Variants in CSTPP1 observed in about 807,000 individuals in gnomAD.
CSTPP1 encodes centriolar satellite-associated tubulin polyglutamylase complex regulator 1.
the CSTPP1 span, among the ~76,000 whole-genome samples, chr11:47,130,213 C>T: frequency 2.8e-3 from 418 of 151,336 alleles, 3 homozygotes; most frequent in African/African-American, 9.4e-3. Context: ...GCCGAGATAG[C>T]GCCACTGCTC....
the CSTPP1 span, among the ~76,000 whole-genome samples, chr11:47,123,494 G>A: frequency 6.6e-6 from 1 of 152,188 alleles, no homozygotes; most frequent in Non-Finnish European, 1.5e-5. Flanking sequence ...AGTTTCACAA[G>A]CATTATCTCA....
chr11:46,995,420 A>G, the CSTPP1 span, among the ~76,000 whole-genome samples: 4 of 152,194 alleles, frequency 2.6e-5, no homozygotes, highest in Non-Finnish European at 4.4e-5. Flanking sequence ...ATTTAGTGCT[A>G]TCAATTTCCC....
the CSTPP1 span, among the ~76,000 whole-genome samples, chr11:46,946,134 T>C: frequency 6.6e-6 from 1 of 152,390 alleles, no homozygotes; most frequent in Admixed American, 6.5e-5. Flanking sequence ...AACCCTTGCC[T>C]ACCTCCATTT....
At chr11:46,949,471 A>G in the CSTPP1 span, among the ~76,000 whole-genome samples, 1 of 152,194 alleles carries the variant, frequency 6.6e-6, no homozygotes. Flanking sequence ...ATATTTACAA[A>G]TAGCCTTTGG....
chr11:47,161,548 T>C, the CSTPP1 span: 1 of 1,614,162 alleles, frequency 6.2e-7, no homozygotes, highest in Non-Finnish European at 8.5e-7. Flanking sequence ...CTCCCCGGGT[T>C]GGCTCTCCCT....
the CSTPP1 span, among the ~76,000 whole-genome samples, chr11:47,031,807 T>C: frequency 6.6e-6 from 1 of 151,440 alleles, no homozygotes; most frequent in Admixed American, 6.6e-5. Context: ...GATTTATATA[T>C]ATAAAGGGGA....
chr11:47,161,260 C>T, the CSTPP1 span: 2 of 1,612,250 alleles, frequency 1.2e-6, no homozygotes, highest in African/African-American at 1.3e-5. Flanking sequence ...TGTGCCCCAT[C>T]TGGGGCCAAC....
the CSTPP1 span, among the ~76,000 whole-genome samples, chr11:47,065,268 T>G: frequency 6.6e-6 from 1 of 152,270 alleles, no homozygotes; most frequent in Non-Finnish European, 1.5e-5. Context: ...TCTATGAACA[T>G]AGGATGTGTT....
the CSTPP1 span, among the ~76,000 whole-genome samples, chr11:47,034,351 A>C: frequency 1.3e-5 from 2 of 152,090 alleles, no homozygotes; most frequent in East Asian, 3.9e-4. Context: ...TGCACAAAAT[A>C]GTAGAGTTAG....
the CSTPP1 span, among the ~76,000 whole-genome samples, chr11:46,969,177 T>G: frequency 6.6e-6 from 1 of 152,214 alleles, no homozygotes; most frequent in Non-Finnish European, 1.5e-5. Flanking sequence ...CTCACTTTGC[T>G]AATACAGTGG....
At chr11:46,963,324 C>CT in the CSTPP1 span, among the ~76,000 whole-genome samples, 310 of 123,048 alleles carry the variant, frequency 2.5e-3, 2 homozygotes, top group East Asian at 0.013. Context: ...TTAGTTTTAG[C>CT]TTTTTTTTTT....
At chr11:47,142,022 A>G in the CSTPP1 span, among the ~76,000 whole-genome samples, 3 of 150,072 alleles carry the variant, frequency 2.0e-5, no homozygotes, top group African/African-American at 4.9e-5. Context: ...AGGTGGGTGG[A>G]TCACGAGGTC....
the CSTPP1 span, among the ~76,000 whole-genome samples, chr11:46,986,944 T>A: frequency 6.6e-6 from 1 of 152,258 alleles, no homozygotes; most frequent in Non-Finnish European, 1.5e-5. Context: ...GTGATTGAGA[T>A]GAAGAATGAA....
chr11:47,064,006 C>G, the CSTPP1 span, among the ~76,000 whole-genome samples: 2 of 152,118 alleles, frequency 1.3e-5, no homozygotes, highest in African/African-American at 4.8e-5. Flanking sequence ...TTCTATTTTT[C>G]TGATAATAGC....
chr11:47,059,718 A>T, the CSTPP1 span, among the ~76,000 whole-genome samples: 7 of 152,232 alleles, frequency 4.6e-5, no homozygotes, highest in Non-Finnish European at 1.0e-4. Context: ...TTTATGTGCC[A>T]TACACTGAGC....
At chr11:47,010,866 G>A in the CSTPP1 span, among the ~76,000 whole-genome samples, 1 of 152,052 alleles carries the variant, frequency 6.6e-6, no homozygotes, top group African/African-American at 2.4e-5. Flanking sequence ...CTTCTCTCAA[G>A]CTTCAGTGTG....
At chr11:46,957,628 T>A in the CSTPP1 span, among the ~76,000 whole-genome samples, 1 of 151,914 alleles carries the variant, frequency 6.6e-6, no homozygotes, top group Admixed American at 6.6e-5. Flanking sequence ...TCTTTCATTG[T>A]CTTGAGATCC....
At chr11:47,150,620 G>A in the CSTPP1 span, among the ~76,000 whole-genome samples, 4 of 152,190 alleles carry the variant, frequency 2.6e-5, no homozygotes, top group Non-Finnish European at 4.4e-5. Flanking sequence ...GCTTCAGCCT[G>A]AAGAATATGG....
At chr11:47,054,001 CT>C in the CSTPP1 span, among the ~76,000 whole-genome samples, 550 of 141,968 alleles carry the variant, frequency 3.9e-3, 1 homozygote, top group African/African-American at 4.0e-3. Context: ...TATTTGAAGG[CT>C]TTTTTTTTTT....
Sources: allele counts gnomAD v4.1 joint callset (sites outside exome capture counted in the v4.1 genomes callset), GRCh38; gene constraint gnomAD v4.1.1; transcripts MANE v1.5; gene names NCBI Gene and HGNC (gene_info 2026-07-23, HGNC 2026-07-21).